COX6B1: variants seen among roughly 807,000 people sequenced by gnomAD.
COX6B1 encodes COX VIb-1.
In COX6B1, 2 loss-of-function variants were observed where a neutral mutation model predicts 14.0. That is an observed-to-expected ratio of 0.14 (90% CI 0.06 to 0.45). The LOEUF (loss-of-function observed/expected upper bound fraction) is 0.45, where lower values mean the gene tolerates loss of function less well. Among genes scored for constraint, COX6B1 ranks in the 20% least tolerant of loss-of-function variants. The probability of loss-of-function intolerance (pLI) is 0.98; values close to 1 mark genes in which losing one functional copy is unlikely to be tolerated. For synonymous variants in COX6B1, 30 were observed against 39.7 expected, an observed-to-expected ratio of 0.76 and a Z score of 0.92; for missense variants, 81 against 114.2, an observed-to-expected ratio of 0.71 and a Z score of 1.33.
At chr19:35,650,663 G>A (rs1379607473) in intron 1 of COX6B1, among the ~76,000 whole-genome samples, 1 of 151,680 alleles carries the variant, frequency 6.6e-6, no homozygotes, top group Admixed American at 6.6e-5. Flanking sequence ...AGCCTAGGTC[G>A]TACCAGTGAG....
chr19:35,656,348 G>C, intron 3 of COX6B1, among the ~76,000 whole-genome samples: 1 of 152,162 alleles, frequency 6.6e-6, no homozygotes, highest in Non-Finnish European at 1.5e-5. Flanking sequence ...CACAGGAAAA[G>C]TAAGTTGCAG....
intron 2 of COX6B1, among the ~76,000 whole-genome samples, chr19:35,653,337 A>G (rs1307771038): frequency 6.7e-6 from 1 of 148,934 alleles, no homozygotes; most frequent in Non-Finnish European, 1.5e-5. Context: ...CAGTGGTACA[A>G]CCTTGGCTCA....
intron 1 of COX6B1, 131 bp downstream of exon 1, chr19:35,648,534 T>G (rs1425938317): frequency 1.7e-5 from 5 of 300,388 alleles, no homozygotes; most frequent in African/African-American, 1.1e-4. Context: ...GGGGCCCTGT[T>G]CTGTTCATCG....
chr19:35,656,321 CAGAA>C (rs1454660715), intron 3 of COX6B1, among the ~76,000 whole-genome samples: 1 of 151,872 alleles, frequency 6.6e-6, no homozygotes, highest in Non-Finnish European at 1.5e-5. Context: ...TGCTAGCACA[CAGAA>C]AGAATGCTAA....
rs1967818203 is a variant in COX6B1 at position 35,650,995 on chromosome 19, CAT to C, written c.-11-237_-11-236del. Among the ~76,000 whole-genome samples, 3 of 152,208 alleles carry C rather than the reference CAT, an allele frequency of 2.0e-5. No homozygotes were observed. The South Asian group carries it at 6.2e-4, about 32-fold the overall frequency. The stretch of plus-strand genomic sequence containing the variant: ...AGTAAGCACTCAGTGAGTGTTAGCT[CAT>C]GTTATTTGGGGACCAGGCTTGATTT... On this transcript the variant is annotated intron_variant, in intron 1 of 3. Transcript: ENST00000649813.
intron 3 of COX6B1, among the ~76,000 whole-genome samples, chr19:35,657,318 A>G (rs1967897962): frequency 6.6e-6 from 1 of 151,800 alleles, no homozygotes; most frequent in African/African-American, 2.4e-5. Context: ...TAGGGTTCGC[A>G]CTCCTAAGAG....
At chr19:35,650,958 C>T (rs1478542019) in intron 1 of COX6B1, among the ~76,000 whole-genome samples, 1 of 152,048 alleles carries the variant, frequency 6.6e-6, no homozygotes, top group Non-Finnish European at 1.5e-5. Context: ...TGTAGAACAG[C>T]GCCTGGCATG....
At chr19:35,657,228 G>A (rs563252429) in intron 3 of COX6B1, among the ~76,000 whole-genome samples, 58 of 151,796 alleles carry the variant, frequency 3.8e-4, no homozygotes, top group Middle Eastern at 3.4e-3. Context: ...TGGGGGTGAT[G>A]GGAGATAGTG....
chr19:35,654,749 C>A, intron 3 of COX6B1, 78 bp downstream of exon 3: 1 of 1,317,528 alleles, frequency 7.6e-7, no homozygotes, highest in Non-Finnish European at 1.1e-6. Flanking sequence ...TTGGTGGGAG[C>A]TCATCTGTGA....
chr19:35,656,964 C>T (rs1448759927), intron 3 of COX6B1, among the ~76,000 whole-genome samples: 4 of 152,096 alleles, frequency 2.6e-5, no homozygotes, highest in African/African-American at 9.7e-5. Context: ...CTCTGTTATC[C>T]ATGCTTTCAT....
At position 35,654,782 on chromosome 19, in the gene COX6B1, CCA is replaced by C. The variant is rs1967869168; in HGVS notation, c.207+115_207+116del. The stretch of plus-strand genomic sequence containing the variant: ...TGAGGGGCAGAGGGAGGACAGGGCA[CCA>C]CACTGTCCCAGGACTCAGTGCCTTT... On this transcript the variant is annotated intron_variant, in intron 3 of 3. Coordinates refer to ENST00000649813, the MANE Select transcript of COX6B1 (RefSeq NM_001863.5). 7 of 875,602 alleles carry C rather than the reference CCA, an allele frequency of 8.0e-6. 1 individual carries two copies. In the Middle Eastern group the frequency reaches 7.4e-4, roughly 92 times the overall value. The allele number at this position is 875,602 out of a possible 1,614,324, so 54.2% of individuals were successfully genotyped here. A position where few individuals can be genotyped will look rare whatever the true frequency, so the allele number is the denominator to read the frequency against.
intron 3 of COX6B1, among the ~76,000 whole-genome samples, chr19:35,656,837 G>C (rs1599623649): frequency 1.3e-5 from 2 of 152,278 alleles, no homozygotes; most frequent in Middle Eastern, 3.4e-3. Context: ...TATGAGGTAG[G>C]TACTATTGTT....
chr19:35,657,338 C>G (rs1199820202), intron 3 of COX6B1, among the ~76,000 whole-genome samples: 2 of 151,938 alleles, frequency 1.3e-5, no homozygotes, highest in Non-Finnish European at 2.9e-5. Flanking sequence ...GAATCTAATG[C>G]TGCCGCTGAT....
chr19:35,654,508 A>C, intron 2 of COX6B1, 63 bp from the exon 3 acceptor site: 2 of 183,098 alleles, frequency 1.1e-5, no homozygotes, highest in East Asian at 1.8e-4. Context: ...ACCCTACCTC[A>C]AAAAAAAAAA....
intron 2 of COX6B1, among the ~76,000 whole-genome samples, chr19:35,653,624 A>T (rs893347699): frequency 2.2e-5 from 3 of 138,846 alleles, no homozygotes; most frequent in African/African-American, 8.2e-5. Context: ...TCTGTCGCCC[A>T]GGCTGGAGTG....
rs145452030 is a variant in COX6B1 at position 35,649,760 on chromosome 19, G to A, written c.-12+1357G>A. Among the ~76,000 whole-genome samples the A allele has an allele frequency of 3.6e-3, 542 of 152,082 alleles. 31 individuals carry two copies. The East Asian group carries it at 0.095, about 27-fold the overall frequency. ...TTCCCAAAGTGCTGGGATTACAGGCGTGAGCCACCTCTTCCGGCCAATTTT... is the reference window on the plus strand; with the variant it reads ...TTCCCAAAGTGCTGGGATTACAGGCATGAGCCACCTCTTCCGGCCAATTTT... On this transcript the variant is annotated intron_variant, in intron 1 of 3. Transcript: ENST00000649813.
At position 35,658,580 on chromosome 19, in the gene COX6B1, C is replaced by G. The variant is rs375338313; in HGVS notation, c.208-14C>G. ...TTTCCCCACTGCGGAGGGAATAACA[C>G]TGTCTTTCCACAGGTCACAGACTGG... On this transcript the variant is annotated splice_polypyrimidine_tract_variant and intron_variant, in intron 3 of 3. Coordinates refer to ENST00000649813, the MANE Select transcript of COX6B1 (RefSeq NM_001863.5). The G allele has an allele frequency of 1.9e-6, 3 of 1,612,452 alleles. No homozygotes were observed. The highest frequency in any genetic ancestry group is 1.3e-5 in the African/African-American group (1 of 74,876).
At chr19:35,652,775 ATTATT>A (rs1218557135) in intron 2 of COX6B1, among the ~76,000 whole-genome samples, 2 of 151,278 alleles carry the variant, frequency 1.3e-5, no homozygotes, top group Admixed American at 1.3e-4. Flanking sequence ...CACCATGTTT[ATTATT>A]TTATTTTATT....
intron 3 of COX6B1, among the ~76,000 whole-genome samples, chr19:35,655,811 T>G (rs185347339): frequency 2.1e-4 from 32 of 148,976 alleles, no homozygotes; most frequent in Middle Eastern, 3.4e-3. Flanking sequence ...CGCTCTCTCT[T>G]GCTCTCTTTC....
Sources: gnomAD v4.1 joint callset for allele counts (sites outside exome capture counted in the v4.1 genomes callset) on GRCh38, gnomAD v4.1.1 for gene constraint, MANE v1.5 for transcripts, NCBI Gene and HGNC (gene_info 2026-07-23, HGNC 2026-07-21) for gene names.